DCC: variants seen among roughly 807,000 people sequenced by gnomAD.
The protein encoded by DCC is netrin receptor DCC.
A neutral mutation model predicts 172.5 loss-of-function variants in DCC; 58 were observed. The ratio of observed to expected loss-of-function variants is 0.34; its 90% CI spans 0.27 to 0.42. The LOEUF (loss-of-function observed/expected upper bound fraction) is 0.42, where lower values mean the gene tolerates loss of function less well. DCC is among the 10% of genes least tolerant of loss of function. The pLI, the probability that DCC is intolerant of heterozygous loss-of-function variation, is 1.00. For missense variants in DCC, 1,740 were observed against 1,791.0 expected (o/e 0.97, Z 0.51); for synonymous variants, 709 against 644.5 (o/e 1.10, Z -1.52).
intron 3 of DCC, among the ~76,000 whole-genome samples, chr18:52,919,323 A>T (rs890145557): frequency 6.6e-6 from 1 of 152,200 alleles, no homozygotes; most frequent in Admixed American, 6.5e-5. Flanking sequence ...ATATTAAAAA[A>T]TTTTTTGATC....
intron 1 of DCC, among the ~76,000 whole-genome samples, chr18:52,526,692 T>G (rs920415105): frequency 3.3e-5 from 5 of 152,162 alleles, no homozygotes; most frequent in African/African-American, 1.2e-4. Context: ...TAGGCCCGTA[T>G]TATTATTTTA....
intron 1 of DCC, among the ~76,000 whole-genome samples, chr18:52,342,331 C>T (rs1411782618): frequency 6.6e-6 from 1 of 152,046 alleles, no homozygotes; most frequent in Non-Finnish European, 1.5e-5. Flanking sequence ...TGAGCGCGTA[C>T]CCGCATCCCC....
chr18:52,572,696 A>G (rs79749982), intron 1 of DCC, among the ~76,000 whole-genome samples: 1 of 152,198 alleles, frequency 6.6e-6, no homozygotes, highest in Non-Finnish European at 1.5e-5. Flanking sequence ...GATCCAGAGC[A>G]TGGGCAGACC....
At chr18:53,215,447 A>G in intron 11 of DCC, 101 bp from the exon 12 acceptor site, 2 of 975,580 alleles carry the variant, frequency 2.1e-6, no homozygotes, top group Non-Finnish European at 3.3e-6. Flanking sequence ...TTATCATTAT[A>G]AACTATATAA....
chr18:52,672,360 A>T (rs2144972356), intron 1 of DCC, among the ~76,000 whole-genome samples: 1 of 152,308 alleles, frequency 6.6e-6, no homozygotes, highest in East Asian at 1.9e-4. Context: ...ATTACCTAAA[A>T]TCCAACTATC....
At chr18:53,013,790 C>A (rs1303277928) in intron 5 of DCC, among the ~76,000 whole-genome samples, 1 of 151,844 alleles carries the variant, frequency 6.6e-6, no homozygotes, top group East Asian at 1.9e-4. Context: ...CACTTCCAAT[C>A]AACACTCAAA....
chr18:53,246,061 TCTCC>T (rs1340111903), intron 12 of DCC, among the ~76,000 whole-genome samples: 1 of 151,928 alleles, frequency 6.6e-6, no homozygotes, highest in African/African-American at 2.4e-5. Flanking sequence ...ATTGAATAGT[TCTCC>T]CTGAGACTTG....
rs546364373 is a variant in DCC, at chr18:53,136,236, T to C, written c.1262-21120T>C. Among the ~76,000 whole-genome samples the C allele has an allele frequency of 7.5e-3, 1,133 of 151,490 alleles. 14 individuals carry two copies. Among genetic ancestry groups the C allele is most frequent in the African/African-American group, 0.026 (1,053 of 41,100 alleles). On this transcript the variant is annotated intron_variant, in intron 7 of 28. Coordinates refer to ENST00000442544, the MANE Select transcript of DCC (RefSeq NM_005215.4). ...ATATATATATACACACACACACACATACATGCATATATACACACACATACA... is the reference window on the plus strand; with the variant it reads ...ATATATATATACACACACACACACACACATGCATATATACACACACATACA...
chr18:53,201,283 G>A (rs952741267), intron 9 of DCC, among the ~76,000 whole-genome samples: 1 of 152,154 alleles, frequency 6.6e-6, no homozygotes, highest in Non-Finnish European at 1.5e-5. Flanking sequence ...CTCCCAGATT[G>A]AGCCATGTTC....
At chr18:52,865,445 C>T (rs1159249226) in intron 2 of DCC, among the ~76,000 whole-genome samples, 2 of 152,112 alleles carry the variant, frequency 1.3e-5, no homozygotes, top group African/African-American at 4.8e-5. Flanking sequence ...AACTAATTTA[C>T]ACTCCCACCA....
intron 1 of DCC, among the ~76,000 whole-genome samples, chr18:52,583,394 T>C (rs937782448): frequency 6.6e-6 from 1 of 152,206 alleles, no homozygotes; most frequent in African/African-American, 2.4e-5. Context: ...TCACAAAATA[T>C]CAGAAATTAA....
chr18:52,416,957 C>T (rs922885551), intron 1 of DCC, among the ~76,000 whole-genome samples: 1 of 152,138 alleles, frequency 6.6e-6, no homozygotes, highest in African/African-American at 2.4e-5. Context: ...GATGCAGTTT[C>T]TTCCTAGCCT....
intron 1 of DCC, among the ~76,000 whole-genome samples, chr18:52,587,263 A>G (rs1456408402): frequency 6.6e-6 from 1 of 152,140 alleles, no homozygotes; most frequent in Non-Finnish European, 1.5e-5. Context: ...TGGTGAGTGG[A>G]AGTCTATGTT....
chr18:52,924,436 T>C (rs992168576), intron 4 of DCC, among the ~76,000 whole-genome samples: 1 of 152,078 alleles, frequency 6.6e-6, no homozygotes. Context: ...GCTTCAACTA[T>C]ATCGCTCATA....
At chr18:53,144,023 T>C (rs1325690341) in intron 7 of DCC, among the ~76,000 whole-genome samples, 1 of 152,234 alleles carries the variant, frequency 6.6e-6, no homozygotes, top group Non-Finnish European at 1.5e-5. Context: ...TATTCAAAGA[T>C]ATTGAAATGA....
chr18:53,228,191 C>T (rs1321558592), intron 12 of DCC, among the ~76,000 whole-genome samples: 1 of 151,450 alleles, frequency 6.6e-6, no homozygotes, highest in Non-Finnish European at 1.5e-5. Flanking sequence ...CTTTTCAATG[C>T]CAATACAGAT....
intron 5 of DCC, among the ~76,000 whole-genome samples, chr18:52,948,313 TGTGTGTGTG>T (rs949356722): frequency 2.6e-5 from 1 of 38,546 alleles, no homozygotes; most frequent in African/African-American, 9.7e-5. Flanking sequence ...ACAGTGTTGA[TGTGTGTGTG>T]TGTGTGTGTG....
chr18:52,602,118 A>G (rs904494668), intron 1 of DCC, among the ~76,000 whole-genome samples: 4 of 152,110 alleles, frequency 2.6e-5, no homozygotes, highest in Non-Finnish European at 4.4e-5. Flanking sequence ...AAATGAAAAT[A>G]GTCACATATT....
intron 7 of DCC, among the ~76,000 whole-genome samples, chr18:53,156,355 A>G (rs574469467): frequency 1.1e-4 from 16 of 151,660 alleles, no homozygotes; most frequent in Admixed American, 9.2e-4. Flanking sequence ...GTGGGGGCAC[A>G]TGCCTGTAAT....
Sources: gnomAD v4.1 joint callset for allele counts (sites outside exome capture counted in the v4.1 genomes callset) on GRCh38, gnomAD v4.1.1 for gene constraint, MANE v1.5 for transcripts, NCBI Gene and HGNC (gene_info 2026-07-23, HGNC 2026-07-21) for gene names.